Variants in DCX observed in about 807,000 individuals in gnomAD.
DCX encodes the protein neuronal migration protein doublecortin.
A neutral mutation model predicts 20.9 loss-of-function variants in DCX; 4 were observed. That is an observed-to-expected ratio of 0.19 (90% CI 0.09 to 0.44). The LOEUF (loss-of-function observed/expected upper bound fraction) is 0.44. Ranked by LOEUF, DCX falls within the 20% of genes least tolerant of loss-of-function variation. DCX has a pLI of 0.99. For missense variants in DCX, 133 were observed against 296.9 expected, an observed-to-expected ratio of 0.45 and a Z score of 4.06; for synonymous variants, 103 against 111.4, an observed-to-expected ratio of 0.92 and a Z score of 0.47.
At chrX:111,396,267 C>T (rs184056353) in intron 3 of DCX, among the ~76,000 whole-genome samples, 1 of 112,220 alleles carries the variant, frequency 8.9e-6, no homozygotes, top group African/African-American at 3.2e-5. Context: ...AATCCCAGAT[C>T]CAAGTAGTCG....
chrX:111,360,081 T>C (rs1004792461), intron 3 of DCX, among the ~76,000 whole-genome samples: 2 of 111,774 alleles, frequency 1.8e-5, no homozygotes, highest in Non-Finnish European at 3.8e-5. Flanking sequence ...TATGCAACAA[T>C]AGGGAATTGT....
At chrX:111,388,911 A>G (rs1212517562) in intron 3 of DCX, among the ~76,000 whole-genome samples, 1 of 112,192 alleles carries the variant, frequency 8.9e-6, no homozygotes, top group East Asian at 2.8e-4. Context: ...TATACATGAC[A>G]TAAGTAAGTT....
chrX:111,348,865 TAA>T (rs373998339), intron 3 of DCX, among the ~76,000 whole-genome samples: 6 of 97,538 alleles, frequency 6.2e-5, no homozygotes, highest in Admixed American at 1.1e-4. Flanking sequence ...AAAGGTTTGT[TAA>T]AAAAAAAAAA....
intron 3 of DCX, among the ~76,000 whole-genome samples, chrX:111,337,599 C>T (rs1351712107): frequency 1.8e-5 from 2 of 111,967 alleles, no homozygotes; most frequent in African/African-American, 3.2e-5. Context: ...TTAGATTCTC[C>T]ATCCACATAT....
intron 3 of DCX, among the ~76,000 whole-genome samples, chrX:111,394,044 G>T (rs1927146590): frequency 9.0e-6 from 1 of 111,609 alleles, no homozygotes; most frequent in Non-Finnish European, 1.9e-5. Flanking sequence ...TGTACATGAA[G>T]GTTCATAGTA....
chrX:111,397,684 C>T (rs1316002793), intron 3 of DCX, among the ~76,000 whole-genome samples: 1 of 111,818 alleles, frequency 8.9e-6, no homozygotes, highest in Admixed American at 9.5e-5. Flanking sequence ...CCAATATTAC[C>T]ATTAAAGTTA....
chrX:111,328,094 T>C (rs1309686960), intron 5 of DCX, among the ~76,000 whole-genome samples: 1 of 112,490 alleles, frequency 8.9e-6, no homozygotes, highest in Non-Finnish European at 1.9e-5. Flanking sequence ...AGATTGGTGG[T>C]AGGAAACAGA....
Position 111,298,949 on chromosome X carries a change from A to ATT in DCX, c.*2736_*2737dup, listed in dbSNP as rs1329788427. 1.9e-5 allele frequency: 2 copies of ATT among 103,130 alleles called. No individual in the cohort carries two copies. Among genetic ancestry groups the ATT allele is most frequent in the East Asian group, 2.9e-4 (1 of 3,436 alleles). 8.5% of individuals were successfully genotyped at this position (103,130 alleles called of 1,213,427 possible). The stretch of plus-strand genomic sequence containing the variant: ...GGAGGTAGGAACAAGCAAGAGATGG[A>ATT]TTGTGTGTGTGTGTGTGTGTGTGTG... On this transcript the variant is annotated 3_prime_UTR_variant, in exon 7 of 7. Coordinates refer to ENST00000636035, the MANE Select transcript of DCX (RefSeq NM_001195553.2).
chrX:111,303,970 G>C (rs758436417), intron 6 of DCX, among the ~76,000 whole-genome samples: 22 of 111,938 alleles, frequency 2.0e-4, no homozygotes, highest in Non-Finnish European at 3.8e-4. Context: ...ACATATTTTA[G>C]ATGGGGTGGG....
In DCX at chrX:111,298,488, A is replaced by G. The variant is rs1160794739; in HGVS notation, c.*3199T>C. ...AGATGCAACATGACCCTGAGAAATAACTCTCAGGAGCCTAATGGAAGGCAA... is the reference window on the plus strand; with the variant it reads ...AGATGCAACATGACCCTGAGAAATAGCTCTCAGGAGCCTAATGGAAGGCAA... On this transcript the variant is annotated 3_prime_UTR_variant, in exon 7 of 7. Transcript: ENST00000636035. 9.0e-6 allele frequency: 1 copy of G among 111,628 alleles called. No individual in the cohort carries two copies. The highest frequency in any genetic ancestry group is 1.9e-5 in the Non-Finnish European group (1 of 53,026). The allele number at this position is 111,628 out of a possible 1,213,427, so 9.2% of individuals were successfully genotyped here.
rs185220346 is a variant in DCX at position 111,342,778 on chromosome X, A to G, written c.706-9625T>C. On this transcript the variant is annotated intron_variant, in intron 3 of 6. Coordinates refer to ENST00000636035, the MANE Select transcript of DCX (RefSeq NM_001195553.2). ...TTAAGAAACTCACTCAAAACCACAC[A>G]ATTACATGGAAATTGAACAAACTGC... Among the ~76,000 whole-genome samples, 396 of 110,886 alleles carry G rather than the reference A, an allele frequency of 3.6e-3. 3 individuals are homozygous for G. The highest frequency in any genetic ancestry group is 0.012 in the African/African-American group (375 of 30,501).
chrX:111,328,572 C>T (rs1458148288), intron 5 of DCX, among the ~76,000 whole-genome samples: 3 of 110,884 alleles, frequency 2.7e-5, no homozygotes, highest in Non-Finnish European at 5.7e-5. Flanking sequence ...GGTTTAAAAA[C>T]AGATCTACAA....
intron 3 of DCX, among the ~76,000 whole-genome samples, chrX:111,397,936 G>T (rs1286272871): frequency 9.0e-6 from 1 of 110,921 alleles, no homozygotes; most frequent in Non-Finnish European, 1.9e-5. Flanking sequence ...ACTTCTCAGA[G>T]CATTCAATGT....
chrX:111,303,790 G>A (rs773887456), intron 6 of DCX, among the ~76,000 whole-genome samples: 54 of 111,783 alleles, frequency 4.8e-4, no homozygotes, highest in African/African-American at 1.6e-3. Flanking sequence ...CTCAGTTCTC[G>A]TCAACCTACC....
At chrX:111,373,630 T>C (rs904500517) in intron 3 of DCX, among the ~76,000 whole-genome samples, 12 of 111,742 alleles carry the variant, frequency 1.1e-4, no homozygotes, top group African/African-American at 2.9e-4. Context: ...GATCAACTCC[T>C]GGCCAAGAAG....
chrX:111,330,959 G>A lies in DCX; in HGVS notation c.891C>T (p.Ser297=). The A allele has an allele frequency of 4.1e-6, 5 of 1,212,044 alleles. No homozygotes were observed. The South Asian group carries it at 8.8e-5, about 21-fold the overall frequency. Residue 297 remains serine (S), a synonymous_variant, in exon 5 of 7, where the codon AGC becomes AGT. Transcript: ENST00000636035. The part of the protein sequence containing the change: ...SPTPQKTSAK[S]PGPMRRSKSP... ...ACTTGCTTCGGCGCATAGGACCAGGGCTCTTGGCTGAAGTCTTCTGAGGTG... is the reference window on the plus strand; with the variant it reads ...ACTTGCTTCGGCGCATAGGACCAGGACTCTTGGCTGAAGTCTTCTGAGGTG...
At chrX:111,325,904 T>C (rs2095098601) in intron 5 of DCX, among the ~76,000 whole-genome samples, 1 of 111,989 alleles carries the variant, frequency 8.9e-6, no homozygotes, top group Non-Finnish European at 1.9e-5. Flanking sequence ...TCTATTTCTA[T>C]TGAGCAGAGC....
intron 6 of DCX, among the ~76,000 whole-genome samples, chrX:111,303,489 T>C (rs1471847396): frequency 5.4e-5 from 6 of 111,454 alleles, no homozygotes; most frequent in African/African-American, 1.6e-4. Flanking sequence ...GAAGGACTTA[T>C]TTATTTAACA....
At chrX:111,388,494 C>T (rs991957350) in intron 3 of DCX, among the ~76,000 whole-genome samples, 7 of 111,996 alleles carry the variant, frequency 6.3e-5, no homozygotes, top group Non-Finnish European at 1.3e-4. Flanking sequence ...TCCCAAAGTG[C>T]ATTCTACCCT....
Sources: gnomAD v4.1 joint callset for allele counts (sites outside exome capture counted in the v4.1 genomes callset) on GRCh38, gnomAD v4.1.1 for gene constraint, MANE v1.5 for transcripts, NCBI Gene and HGNC (gene_info 2026-07-23, HGNC 2026-07-21) for gene names.